Variants in DSG1 observed in about 807,000 individuals in gnomAD.
DSG1 encodes the protein desmoglein 1, also known as desmoglein-1.
In DSG1, 39 loss-of-function variants were observed where a neutral mutation model predicts 97.5. The observed-to-expected ratio is 0.40, with a 90% CI of 0.31 to 0.52. DSG1 has a LOEUF of 0.52. Ranked by LOEUF, DSG1 falls within the 20% of genes least tolerant of loss-of-function variation. DSG1 has a pLI of 0.53. For missense variants in DSG1, 1,311 were observed against 1,295.4 expected, an observed-to-expected ratio of 1.01 and a Z score of -0.18; for synonymous variants, 475 against 443.4, an observed-to-expected ratio of 1.07 and a Z score of -0.90.
chr18:31,354,991 G>T lies in DSG1; in HGVS notation c.2795G>T (p.Gly932Val). ...VTERVIQPTS[G>V]MIGSLSMHPE... ...GAAAGAGTAATCCAACCAACTTCCGGCATGATAGGTAGTCTGAGTATGCAC... is the reference window on the plus strand; with the variant it reads ...GAAAGAGTAATCCAACCAACTTCCGTCATGATAGGTAGTCTGAGTATGCAC... Residue 932 changes from glycine (G) to valine (V), a missense_variant, in exon 15 of 15, where the codon GGC (glycine) becomes GTC (valine). Gly to Val is a moderately radical substitution (Grantham distance 109). Around this residue, in one of 3 missense-constraint regions of DSG1, gnomAD observed 1,038 missense variants for 964.6 expected, o/e 1.08. Coordinates refer to ENST00000257192, the MANE Select transcript of DSG1 (RefSeq NM_001942.4). 1 of 1,614,190 alleles carries T rather than the reference G, an allele frequency of 6.2e-7. No homozygotes were observed. Among genetic ancestry groups the T allele is most frequent in the Non-Finnish European group, 8.5e-7 (1 of 1,180,038 alleles).
At chr18:31,318,855 C>T (rs2071636446) in intron 1 of DSG1, among the ~76,000 whole-genome samples, 1 of 151,792 alleles carries the variant, frequency 6.6e-6, no homozygotes, top group Non-Finnish European at 1.5e-5. Flanking sequence ...TCATCAGTTG[C>T]ATATTTGGTT....
chr18:31,332,513 G>T (rs1030927156), intron 6 of DSG1, among the ~76,000 whole-genome samples: 1 of 152,004 alleles, frequency 6.6e-6, no homozygotes, highest in African/African-American at 2.4e-5. Flanking sequence ...GCATTATGAG[G>T]TTTCTAGCAT....
At chr18:31,352,696 C>T (rs1384890329) in intron 14 of DSG1, among the ~76,000 whole-genome samples, 2 of 148,852 alleles carry the variant, frequency 1.3e-5, no homozygotes, top group Non-Finnish European at 2.9e-5. Context: ...TCTAAACTTC[C>T]CTTCTCGCTT....
intron 11 of DSG1, among the ~76,000 whole-genome samples, chr18:31,341,594 T>TA (rs2071789041): frequency 6.6e-6 from 1 of 152,206 alleles, no homozygotes; most frequent in Non-Finnish European, 1.5e-5. Flanking sequence ...AGTTTATTCT[T>TA]ACTGGCTCAT....
intron 14 of DSG1, among the ~76,000 whole-genome samples, chr18:31,351,081 T>C (rs1361826648): frequency 6.0e-5 from 9 of 148,998 alleles, no homozygotes; most frequent in African/African-American, 2.3e-4. Context: ...TTTGGGATCT[T>C]TCCTGCTTTC....
At position 31,354,471 on chromosome 18, in the gene DSG1, G is replaced by A. The variant is rs1284499106; in HGVS notation, c.2275G>A (p.Ala759Thr). Residue 759 changes from alanine to threonine, a missense_variant, in exon 15 of 15, where the codon GCA (alanine) becomes ACA (threonine). Physicochemically the swap from Ala to Thr is moderately conservative, Grantham distance 58. Coordinates refer to ENST00000257192, the MANE Select transcript of DSG1 (RefSeq NM_001942.4). ...DTLGPKFKKL[A>T]DISLGKESYP... ...CCTGGGACCTAAATTTAAGAAGTTG[G>A]CAGACATCAGCCTAGGAAAAGAATC... 1 of 1,614,142 alleles carries A rather than the reference G, an allele frequency of 6.2e-7. No homozygotes were observed. Among genetic ancestry groups the A allele is most frequent in the Non-Finnish European group, 8.5e-7 (1 of 1,180,030 alleles).
Position 31,355,398 on chromosome 18 carries a change from C to A in DSG1, c.*52C>A. ...GTCATTGTGGTTTAGATCCAATTCC[C>A]ACCACTAAAAAACCAACAATGTGAT... On this transcript the variant is annotated 3_prime_UTR_variant, in exon 15 of 15. Transcript: ENST00000257192. 6.4e-7 allele frequency: 1 copy of A among 1,569,194 alleles called. No individual in the cohort carries two copies. The highest frequency in any genetic ancestry group is 8.7e-7 in the Non-Finnish European group (1 of 1,143,476).
chr18:31,348,298 T>C (rs1178847529), intron 14 of DSG1, among the ~76,000 whole-genome samples: 1 of 151,520 alleles, frequency 6.6e-6, no homozygotes, highest in African/African-American at 2.4e-5. Context: ...GGACATGAAC[T>C]CATCATTTTT....
intron 8 of DSG1, 140 bp from the exon 9 acceptor site, chr18:31,336,214 A>G: frequency 1.4e-6 from 1 of 697,144 alleles, no homozygotes; most frequent in African/African-American, 1.8e-5. Context: ...TAAAAATTTA[A>G]GAATGGATTG....
intron 1 of DSG1, among the ~76,000 whole-genome samples, chr18:31,323,976 C>CTTTTTTTT (rs1203163479): frequency 1.4e-4 from 13 of 94,966 alleles, no homozygotes; most frequent in South Asian, 4.4e-4. Context: ...TCTCTCCTTC[C>CTTTTTTTT]TTTTTTTTTT....
At chr18:31,319,594 T>A (rs1256132709) in intron 1 of DSG1, among the ~76,000 whole-genome samples, 17 of 152,148 alleles carry the variant, frequency 1.1e-4, no homozygotes, top group Admixed American at 1.1e-3. Context: ...CATTATACAG[T>A]ATGTCATTTG....
intron 1 of DSG1, among the ~76,000 whole-genome samples, chr18:31,323,522 T>G (rs1033934011): frequency 3.2e-4 from 48 of 152,204 alleles, no homozygotes; most frequent in Non-Finnish European, 5.1e-4. Flanking sequence ...CATTCTCTCC[T>G]GCTCTCCCTA....
intron 13 of DSG1, 40 bp downstream of exon 13, chr18:31,344,035 G>A: frequency 7.3e-7 from 1 of 1,365,396 alleles, no homozygotes; most frequent in Non-Finnish European, 1.0e-6. Context: ...AAATGCTTAA[G>A]TAGGAAGTCT....
At chr18:31,352,298 C>A (rs1378361906) in intron 14 of DSG1, among the ~76,000 whole-genome samples, 9 of 149,528 alleles carry the variant, frequency 6.0e-5, no homozygotes. Context: ...AATATTGGCC[C>A]CCACTCTCTT....
Position 31,356,506 on chromosome 18 carries a change from T to C in DSG1, c.*1160T>C, listed in dbSNP as rs1180859385. On this transcript the variant is annotated 3_prime_UTR_variant, in exon 15 of 15. Coordinates refer to ENST00000257192, the MANE Select transcript of DSG1 (RefSeq NM_001942.4). ...GGTGAAAGTTGGAAAAGAATTCTTCTGTAAAGTAATACCATGCTAATTATT... is the reference window on the plus strand; with the variant it reads ...GGTGAAAGTTGGAAAAGAATTCTTCCGTAAAGTAATACCATGCTAATTATT... 6.6e-6 allele frequency: 1 copy of C among 152,212 alleles called. No homozygotes were observed. 9.4% of individuals were successfully genotyped at this position (152,212 alleles called of 1,614,324 possible).
In DSG1 at chr18:31,333,699, T is replaced by C; in HGVS notation, c.795T>C (p.Asn265=). ...CNIKILDVND[N]IPYMEQSSYT... ...TTAAAATCCTCGATGTCAATGATAA[T>C]ATCCCTTACATGGAACAGTCTTCAG... The change falls in exon 7 of 15, where the codon AAT becomes AAC. Residue 265 remains asparagine (N), a synonymous_variant. Coordinates refer to ENST00000257192, the MANE Select transcript of DSG1 (RefSeq NM_001942.4). The C allele has an allele frequency of 6.2e-7, 1 of 1,613,762 alleles. No individual in the cohort carries two copies. Among genetic ancestry groups the C allele is most frequent in the Non-Finnish European group, 8.5e-7 (1 of 1,179,688 alleles).
In DSG1 at chr18:31,329,878, CT is replaced by C. The variant is rs2071709832; in HGVS notation, c.373-10del. ...TGTGTTTCACTGTATAATTATTTAT[CT>C]TTTCTCTCCCAGATCTACTGCCGAG... is the stretch of plus-strand genomic sequence containing the variant. On this transcript the variant is annotated splice_polypyrimidine_tract_variant and intron_variant, in intron 4 of 14. Transcript: ENST00000257192. 1.9e-6 allele frequency: 3 copies of C among 1,612,250 alleles called. No individual in the cohort carries two copies. In the African/African-American group the frequency reaches 4.0e-5, roughly 22 times the overall value.
rs1391134663 is a variant in DSG1 at position 31,356,597 on chromosome 18, C to G, written c.*1251C>G. On this transcript the variant is annotated 3_prime_UTR_variant, in exon 15 of 15. Coordinates refer to ENST00000257192, the MANE Select transcript of DSG1 (RefSeq NM_001942.4). ...CTGCTGCCATTTTGCAGGAATCAAC[C>G]AGGAACCTTTAGCAGAATTGACAAT... The G allele has an allele frequency of 6.6e-6, 1 of 152,176 alleles. No individual in the cohort carries two copies. Among genetic ancestry groups the G allele is most frequent in the Non-Finnish European group, 1.5e-5 (1 of 68,016 alleles). 9.4% of individuals were successfully genotyped at this position (152,176 alleles called of 1,614,324 possible).
chr18:31,354,628 A>G lies in DSG1; in HGVS notation c.2432A>G (p.Glu811Gly), dbSNP rs1244087501. 1.2e-6 allele frequency: 2 copies of G among 1,614,170 alleles called. No individual in the cohort carries two copies. Among genetic ancestry groups the G allele is most frequent in the Non-Finnish European group, 1.7e-6 (2 of 1,180,026 alleles). ...TTCGGCACTACCACAGTAATTTCTG[A>G]GAGCACCTATCCCTCGGGACCTGGT... The part of the protein sequence containing the change: ...PHFGTTTVIS[E>G]STYPSGPGVL... The change falls in exon 15 of 15, where the codon GAG becomes GGG. Residue 811 changes from glutamate to glycine, a missense_variant. Physicochemically the swap from Glu to Gly is moderately conservative, Grantham distance 98 (BLOSUM62 -2). Coordinates refer to ENST00000257192, the MANE Select transcript of DSG1 (RefSeq NM_001942.4).
Sources: gnomAD v4.1 joint callset for allele counts (sites outside exome capture counted in the v4.1 genomes callset) on GRCh38, gnomAD v4.1.1 for gene constraint, gnomAD v4.1.1 regional missense constraint, MANE v1.5 for transcripts, NCBI Gene and HGNC (gene_info 2026-07-23, HGNC 2026-07-21) for gene names.